Variants in LMBR1 observed in about 807,000 individuals in gnomAD.
LMBR1 encodes the protein limb region 1 protein homolog.
In LMBR1, 52 loss-of-function variants were observed where a neutral mutation model predicts 73.9. That is an observed-to-expected ratio of 0.70 (90% CI 0.56 to 0.89). The LOEUF (loss-of-function observed/expected upper bound fraction) is 0.89. Ranked by LOEUF, LMBR1 falls within the 40% of genes least tolerant of loss-of-function variation. The probability of loss-of-function intolerance (pLI) is 0.00; values close to 1 mark genes in which losing one functional copy is unlikely to be tolerated. For missense variants in LMBR1, 539 were observed against 579.8 expected (o/e 0.93, Z 0.72); for synonymous variants, 215 against 209.4 (o/e 1.03, Z -0.23).
At chr7:156,698,498 T>C (rs1214059270) in intron 15 of LMBR1, among the ~76,000 whole-genome samples, 1 of 150,390 alleles carries the variant, frequency 6.6e-6, no homozygotes, top group Non-Finnish European at 1.5e-5. Context: ...TCCATACATC[T>C]TCTGAAATCT....
chr7:156,758,162 G>C (rs1188968874), intron 8 of LMBR1, among the ~76,000 whole-genome samples: 1 of 152,166 alleles, frequency 6.6e-6, no homozygotes, highest in African/African-American at 2.4e-5. Context: ...TACACGGAGA[G>C]GATCTCCTGG....
chr7:156,789,934 T>C (rs1828904214), intron 5 of LMBR1, among the ~76,000 whole-genome samples: 1 of 151,110 alleles, frequency 6.6e-6, no homozygotes, highest in Non-Finnish European at 1.5e-5. Flanking sequence ...GTATAATTAC[T>C]TTAAAATCTG....
intron 5 of LMBR1, among the ~76,000 whole-genome samples, chr7:156,786,228 GAGA>G (rs1290085445): frequency 2.8e-5 from 4 of 142,644 alleles, no homozygotes; most frequent in African/African-American, 1.1e-4. Flanking sequence ...AGGAAGGGAA[GAGA>G]AGGAGGAAGG....
intron 10 of LMBR1, 104 bp from the exon 11 acceptor site, chr7:156,728,824 T>A (rs1020317548): frequency 1.2e-6 from 1 of 809,492 alleles, no homozygotes. Flanking sequence ...TTAAAAAACA[T>A]AAATTACTTT....
At chr7:156,845,568 A>ATG (rs1839447737) in intron 1 of LMBR1, among the ~76,000 whole-genome samples, 3 of 152,158 alleles carry the variant, frequency 2.0e-5, no homozygotes, top group Admixed American at 2.0e-4. Flanking sequence ...CATATCTTAA[A>ATG]ACAAAGTGAC....
intron 1 of LMBR1, among the ~76,000 whole-genome samples, chr7:156,890,251 A>C (rs1417310253): frequency 6.6e-6 from 1 of 152,208 alleles, no homozygotes. Context: ...TAGAGAAAAG[A>C]AGAAGAGAAC....
intron 15 of LMBR1, among the ~76,000 whole-genome samples, chr7:156,688,658 C>T (rs1806487231): frequency 6.6e-6 from 1 of 152,124 alleles, no homozygotes; most frequent in Non-Finnish European, 1.5e-5. Flanking sequence ...TCTCTTTAGT[C>T]GGGTCTCTGG....
At chr7:156,777,921 A>G (rs963292347) in intron 5 of LMBR1, among the ~76,000 whole-genome samples, 9 of 152,026 alleles carry the variant, frequency 5.9e-5, no homozygotes, top group Non-Finnish European at 1.0e-4. Context: ...TACCCCCACC[A>G]TACACCCTGA....
chr7:156,821,373 G>A (rs1331969096), intron 4 of LMBR1, among the ~76,000 whole-genome samples: 2 of 152,202 alleles, frequency 1.3e-5, no homozygotes, highest in Non-Finnish European at 2.9e-5. Context: ...ATGATATGCA[G>A]GCCCCCACGT....
chr7:156,855,571 A>C (rs1408158749), intron 1 of LMBR1, among the ~76,000 whole-genome samples: 1 of 152,120 alleles, frequency 6.6e-6, no homozygotes, highest in East Asian at 1.9e-4. Context: ...GCAACAGATA[A>C]AATATTTCAA....
intron 5 of LMBR1, among the ~76,000 whole-genome samples, chr7:156,791,144 T>C (rs1457256716): frequency 6.6e-6 from 1 of 152,154 alleles, no homozygotes; most frequent in Non-Finnish European, 1.5e-5. Flanking sequence ...TTTTCTGTAA[T>C]AAACACTAAG....
At chr7:156,818,771 C>T (rs1014068130) in intron 4 of LMBR1, among the ~76,000 whole-genome samples, 55 of 152,122 alleles carry the variant, frequency 3.6e-4, no homozygotes, top group Non-Finnish European at 1.2e-4. Flanking sequence ...TTCATATTTT[C>T]CTATTAATTT....
chr7:156,827,460 C>T (rs1375755746), intron 3 of LMBR1, among the ~76,000 whole-genome samples: 1 of 151,888 alleles, frequency 6.6e-6, no homozygotes, highest in Non-Finnish European at 1.5e-5. Flanking sequence ...TACAGAGGTA[C>T]AAAAAAATCC....
intron 4 of LMBR1, among the ~76,000 whole-genome samples, chr7:156,816,325 C>T (rs1267287223): frequency 6.6e-6 from 1 of 152,132 alleles, no homozygotes; most frequent in Non-Finnish European, 1.5e-5. Context: ...TGTGCCTCAG[C>T]CTCCCGAGCA....
chr7:156,893,173 C>G lies in LMBR1; in HGVS notation c.-180G>C, dbSNP rs1046536506. The G allele has an allele frequency of 1.1e-5, 5 of 472,418 alleles. No individual in the cohort carries two copies. In the East Asian group the frequency reaches 2.0e-4, roughly 19 times the overall value. 29.3% of individuals were successfully genotyped at this position (472,418 alleles called of 1,614,324 possible). A position where few individuals can be genotyped will look rare whatever the true frequency, so the allele number is the denominator to read the frequency against. On this transcript the variant is annotated 5_prime_UTR_variant, in exon 1 of 17. Transcript: ENST00000353442. ...CGTCGCCTCAGCAGCCTCAGACGAG[C>G]AGCTCTGACTAAGGGAGGGCGGGCG...
chr7:156,780,434 A>G (rs1268565150), intron 5 of LMBR1, among the ~76,000 whole-genome samples: 1 of 152,238 alleles, frequency 6.6e-6, no homozygotes, highest in Non-Finnish European at 1.5e-5. Flanking sequence ...ACATGTTTTC[A>G]ATATGTAAAT....
Position 156,762,119 on chromosome 7 carries a change from T to C in LMBR1, c.684+15A>G. On this transcript the variant is annotated intron_variant, in intron 8 of 16. Coordinates refer to ENST00000353442, the MANE Select transcript of LMBR1 (RefSeq NM_022458.4). ...TTTATTTAATAAACAAAATGATTTA[T>C]AATTAAATACTTACTGTTGGCTTCA... is the stretch of plus-strand genomic sequence containing the variant. 1 of 1,498,080 alleles carries C rather than the reference T, an allele frequency of 6.7e-7. No individual in the cohort carries two copies. The highest frequency in any genetic ancestry group is 9.3e-7 in the Non-Finnish European group (1 of 1,076,918). 92.8% of individuals were successfully genotyped at this position (1,498,080 alleles called of 1,614,324 possible). A position where few individuals can be genotyped will look rare whatever the true frequency, so the allele number is the denominator to read the frequency against.
At chr7:156,831,017 G>A (rs1451139516) in intron 3 of LMBR1, among the ~76,000 whole-genome samples, 1 of 152,154 alleles carries the variant, frequency 6.6e-6, no homozygotes, top group Non-Finnish European at 1.5e-5. Flanking sequence ...AAGTGTTACA[G>A]GAAAACACGG....
chr7:156,726,960 A>G (rs1815906419), intron 12 of LMBR1, among the ~76,000 whole-genome samples: 1 of 151,982 alleles, frequency 6.6e-6, no homozygotes, highest in Admixed American at 6.6e-5. Context: ...CATACTTCCC[A>G]CTACTGTCCA....
Sources: allele counts gnomAD v4.1 joint callset (sites outside exome capture counted in the v4.1 genomes callset), GRCh38; gene constraint gnomAD v4.1.1; transcripts MANE v1.5; gene names NCBI Gene and HGNC (gene_info 2026-07-23, HGNC 2026-07-21).